Variants in GAA observed in about 807,000 individuals in gnomAD.
GAA encodes lysosomal alpha-glucosidase.
GAA carries 88 observed loss-of-function variants against 103.9 expected under a neutral mutation model. The ratio of observed to expected loss-of-function variants is 0.85; its 90% CI spans 0.71 to 1.01. The LOEUF (loss-of-function observed/expected upper bound fraction) is 1.01, where lower values mean the gene tolerates loss of function less well. GAA is among the 50% of genes least tolerant of loss of function. The pLI, the probability that GAA is intolerant of heterozygous loss-of-function variation, is 0.00. For missense variants in GAA, 1,350 were observed against 1,305.3 expected, an observed-to-expected ratio of 1.03 and a Z score of -0.53; for synonymous variants, 572 against 563.1, an observed-to-expected ratio of 1.02 and a Z score of -0.22.
At chr17:80,113,570 G>T (rs997229190) in intron 15 of GAA, among the ~76,000 whole-genome samples, 1 of 152,222 alleles carries the variant, frequency 6.6e-6, no homozygotes, top group African/African-American at 2.4e-5. Context: ...TAGTACACAC[G>T]AGGAGTTCCT....
chr17:80,106,091 G>A (rs542113950), intron 3 of GAA, among the ~76,000 whole-genome samples, 197 bp downstream of exon 3: 3 of 152,288 alleles, frequency 2.0e-5, no homozygotes, highest in African/African-American at 7.2e-5. Context: ...TAAATCCCAT[G>A]TAAACACGTG....
At chr17:80,109,054 G>A (rs544388795) in intron 8 of GAA, among the ~76,000 whole-genome samples, 19 of 152,332 alleles carry the variant, frequency 1.2e-4, no homozygotes, top group African/African-American at 4.1e-4. Context: ...TCAGGGTTCT[G>A]TCAGATGTAG....
chr17:80,104,146 C>A lies in GAA; in HGVS notation c.-32-409C>A, dbSNP rs757906700. ...GGGTGCGGTGGTGTGTGCCTACAGT[C>A]CCAGCTACTCAGGAGGCTGAAGTGG... On this transcript the variant is annotated intron_variant, in intron 1 of 19. Coordinates refer to ENST00000302262, the MANE Select transcript of GAA (RefSeq NM_000152.5). This position sits in a 1 kb window ranked among gnomAD's most constrained non-coding sequence, Gnocchi z 4.0. Among the ~76,000 whole-genome samples, 18 of 152,000 alleles carry A rather than the reference C, an allele frequency of 1.2e-4. No homozygotes were observed. The highest frequency in any genetic ancestry group is 2.4e-4 in the Non-Finnish European group (16 of 67,958).
Position 80,117,602 on chromosome 17 carries a change from G to A in GAA, c.2334G>A (p.Val778=). 1.2e-6 allele frequency: 2 copies of A among 1,612,894 alleles called. No individual in the cohort carries two copies. The change falls in exon 17 of 20, where the codon GTG becomes GTA. Residue 778 remains valine, a splice_region_variant and synonymous_variant. Coordinates refer to ENST00000302262, the MANE Select transcript of GAA (RefSeq NM_000152.5). ...PLGTWYDLQT[V]PVEALGSLPP... ...CTCAAAGCAACATCTCCCTCCAGGTGCCAGTAGAGGCCCTTGGCAGCCTCC... is the reference window on the plus strand; with the variant it reads ...CTCAAAGCAACATCTCCCTCCAGGTACCAGTAGAGGCCCTTGGCAGCCTCC...
chr17:80,118,078 G>A, intron 17 of GAA, 115 bp from the exon 18 acceptor site: 1 of 1,233,090 alleles, frequency 8.1e-7, no homozygotes, highest in African/African-American at 1.5e-5. Flanking sequence ...AGGTGTTCCT[G>A]CAGATCCTAG....
At chr17:80,106,473 G>A (rs931265261) in intron 3 of GAA, among the ~76,000 whole-genome samples, 15 of 150,150 alleles carry the variant, frequency 1.0e-4, no homozygotes, top group Non-Finnish European at 1.9e-4. Flanking sequence ...CTGTGCAGAT[G>A]TTGGGGGCAG....
Position 80,105,152 on chromosome 17 carries a change from G to GGGCGGC in GAA, c.546+24_546+29dup. On this transcript the variant is annotated intron_variant, in intron 2 of 19. Transcript: ENST00000302262. ...TTCACGGTGGGCAGGGCAGGGGCGG[G>GGGCGGC]GGCGGCGGCCAGGGCAGAGGGTGCG... 6.3e-7 allele frequency: 1 copy of GGGCGGC among 1,594,412 alleles called. No homozygotes were observed. The highest frequency in any genetic ancestry group is 8.5e-7 in the Non-Finnish European group (1 of 1,173,840).
In GAA at chr17:80,119,744, A is replaced by C; in HGVS notation, c.*413A>C. 1 of 241,800 alleles carries C rather than the reference A, an allele frequency of 4.1e-6. No individual in the cohort carries two copies. Among genetic ancestry groups the C allele is most frequent in the Non-Finnish European group, 8.3e-6 (1 of 120,456 alleles). The allele number at this position is 241,800 out of a possible 1,614,324, so 15.0% of individuals were successfully genotyped here. ...GCGCCTGCTGCTCTGCCCCAACGCG[A>C]CCGCTGCCCGGCTGCCCAGAGGGCT... On this transcript the variant is annotated 3_prime_UTR_variant, in exon 20 of 20. Transcript: ENST00000302262.
rs1555603208 is a variant in GAA at position 80,118,633 on chromosome 17, T to G, written c.2647-20T>G. 1.2e-6 allele frequency: 2 copies of G among 1,610,764 alleles called. No homozygotes were observed. Among genetic ancestry groups the G allele is most frequent in the Non-Finnish European group, 1.7e-6 (2 of 1,179,754 alleles). On this transcript the variant is annotated intron_variant, in intron 18 of 19. Coordinates refer to ENST00000302262, the MANE Select transcript of GAA (RefSeq NM_000152.5). ...CACCTCCACATTCTCTGCCTTTTCA[T>G]CTCTCTCTGCTCGGCCCAGAACACG...
At chr17:80,112,241 A>C in intron 12 of GAA, 141 bp downstream of exon 12, 2 of 836,266 alleles carry the variant, frequency 2.4e-6, no homozygotes, top group Non-Finnish European at 4.0e-6. Flanking sequence ...TGCTCTCCCC[A>C]CCCGCTGCCT....
In GAA at chr17:80,104,245, C is replaced by T. The variant is rs911476233; in HGVS notation, c.-32-310C>T. On this transcript the variant is annotated intron_variant, in intron 1 of 19. Transcript: ENST00000302262. The surrounding 1 kb of genome is among the most constrained non-coding windows in gnomAD (Gnocchi z 4.0). ...CACCACAGCACTCTGGCCCAGGCGA[C>T]AGCTGTTTGGCCTGTTTCAAGTGTC... Among the ~76,000 whole-genome samples the T allele has an allele frequency of 6.6e-6, 1 of 152,206 alleles. No individual in the cohort carries two copies. The highest frequency in any genetic ancestry group is 2.4e-5 in the African/African-American group (1 of 41,442).
chr17:80,117,148 C>G (rs2039372782), intron 16 of GAA, 39 bp downstream of exon 16: 3 of 1,602,122 alleles, frequency 1.9e-6, no homozygotes, highest in East Asian at 4.5e-5. Flanking sequence ...AGACGGGAGA[C>G]CAGAGCAGCC....
At chr17:80,102,113 C>G (rs1187939006) in intron 1 of GAA, 1 of 152,668 alleles carries the variant, frequency 6.6e-6, no homozygotes, top group African/African-American at 2.4e-5. Flanking sequence ...TCTAGGGTTT[C>G]CTTTCCCCTT....
At position 80,105,084 on chromosome 17, in the gene GAA, C is replaced by G. The variant is rs2039046096; in HGVS notation, c.498C>G (p.Thr166=). 1.2e-6 allele frequency: 2 copies of G among 1,612,310 alleles called. No homozygotes were observed. The highest frequency in any genetic ancestry group is 1.7e-6 in the Non-Finnish European group (2 of 1,179,968). ...TPTFFPKDIL[T]LRLDVMMETE... is the part of the protein sequence containing the mutation. ...CCTTCTTCCCCAAGGACATCCTGAC[C>G]CTGCGGCTGGACGTGATGATGGAGA... The change falls in exon 2 of 20, where the codon ACC becomes ACG. Residue 166 remains threonine (T), a synonymous_variant. Transcript: ENST00000302262.
rs1247872563 is a variant in GAA, at chr17:80,105,811, G to A, written c.609G>A (p.Arg203=). ...TGGAGACCCCGCATGTCCACAGCCG[G>A]GCACCGTCCCCACTCTACAGCGTGG... ...VPLETPHVHS[R]APSPLYSVEF... The change falls in exon 3 of 20, where the codon CGG becomes CGA. Residue 203 remains arginine (R), a synonymous_variant. Coordinates refer to ENST00000302262, the MANE Select transcript of GAA (RefSeq NM_000152.5). 2.5e-6 allele frequency: 4 copies of A among 1,610,944 alleles called. No homozygotes were observed. Among genetic ancestry groups the A allele is most frequent in the Non-Finnish European group, 2.5e-6 (3 of 1,179,990 alleles).
Position 80,105,242 on chromosome 17 carries a change from C to A in GAA, c.546+110C>A, listed in dbSNP as rs987330748. 4.5e-4 allele frequency: 516 copies of A among 1,150,110 alleles called. 3 individuals carry two copies. The African/African-American group carries it at 6.6e-3, about 15-fold the overall frequency. The allele number at this position is 1,150,110 out of a possible 1,614,324, so 71.2% of individuals were successfully genotyped here. A position where few individuals can be genotyped will look rare whatever the true frequency, so the allele number is the denominator to read the frequency against. On this transcript the variant is annotated intron_variant, in intron 2 of 19. Transcript: ENST00000302262. Reference sequence around the variant, plus strand: ...GCATGTTGCACCACTGTGTGCTGGGCCCTTGCTGGGAGCGGAGGTGTGAGC... The same window carrying A: ...GCATGTTGCACCACTGTGTGCTGGGACCTTGCTGGGAGCGGAGGTGTGAGC...
chr17:80,108,604 C>G lies in GAA; in HGVS notation c.1191C>G (p.Pro397=), dbSNP rs886105848. 8 of 1,612,730 alleles carry G rather than the reference C, an allele frequency of 5.0e-6. No individual in the cohort carries two copies. Among genetic ancestry groups the G allele is most frequent in the Non-Finnish European group, 6.8e-6 (8 of 1,179,938 alleles). The part of the protein sequence containing the change: ...VVENMTRAHF[P]LDVQWNDLDY... Reference sequence around the variant, plus strand: ...AGAACATGACCAGGGCCCACTTCCCCCTGGTGAGTTGGGGTGGTGGCAGGG... The same window carrying G: ...AGAACATGACCAGGGCCCACTTCCCGCTGGTGAGTTGGGGTGGTGGCAGGG... The change falls in exon 7 of 20, where the codon CCC becomes CCG. Residue 397 remains proline (P), a synonymous_variant. Coordinates refer to ENST00000302262, the MANE Select transcript of GAA (RefSeq NM_000152.5).
chr17:80,108,048 T>C (rs1281207616), intron 5 of GAA, 152 bp downstream of exon 5: 3 of 1,017,244 alleles, frequency 2.9e-6, no homozygotes, highest in Non-Finnish European at 4.4e-6. Flanking sequence ...CTCCCAACTC[T>C]GGCCTTCTGT....
Position 80,119,540 on chromosome 17 carries a change from A to G in GAA, c.*209A>G, listed in dbSNP as rs1302891773. 2.8e-5 allele frequency: 17 copies of G among 600,996 alleles called. No homozygotes were observed. In the East Asian group the frequency reaches 3.6e-4, roughly 13 times the overall value. 37.2% of individuals were successfully genotyped at this position (600,996 alleles called of 1,614,324 possible). On this transcript the variant is annotated 3_prime_UTR_variant, in exon 20 of 20. Transcript: ENST00000302262. The stretch of plus-strand genomic sequence containing the variant: ...GTGTCTAGGAGAGCTTTCTCCCTAG[A>G]TCGCACTGTGGGCCGGGGCCCTGGA...
Sources: allele counts gnomAD v4.1 joint callset (sites outside exome capture counted in the v4.1 genomes callset), GRCh38; gene constraint gnomAD v4.1.1; non-coding constraint Gnocchi (gnomAD v3.1); transcripts MANE v1.5; gene names NCBI Gene and HGNC (gene_info 2026-07-23, HGNC 2026-07-21).